ZNF717: variants seen among roughly 807,000 people sequenced by gnomAD.
ZNF717 encodes zinc finger protein 717, also known as krueppel-like factor X17.
A neutral mutation model predicts 13.8 loss-of-function variants in ZNF717; 9 were observed. That is an observed-to-expected ratio of 0.65 (90% CI 0.39 to 1.14). The LOEUF (loss-of-function observed/expected upper bound fraction) is 1.14. Among genes scored for constraint, ZNF717 ranks in the 50% most tolerant of loss-of-function variants. The probability of loss-of-function intolerance (pLI) is 0.01; values close to 1 mark genes in which losing one functional copy is unlikely to be tolerated. For missense variants in ZNF717, 1,040 were observed against 1,080.7 expected (o/e 0.96, Z 0.53); for synonymous variants, 327 against 364.1 (o/e 0.90, Z 1.16).
Position 75,776,649 on chromosome 3 carries a change from T to C in ZNF717, c.57+6657A>G, listed in dbSNP as rs183474267. 6.0e-5 allele frequency among the ~76,000 whole-genome samples: 9 copies of C among 151,248 alleles called. No homozygotes were observed. In the East Asian group the frequency reaches 1.5e-3, roughly 26 times the overall value. The stretch of plus-strand genomic sequence containing the variant: ...TTTAAAACCATAAACTTTGGGTTCA[T>C]AGTCTCACAATTCAGAAGGGTCCCT... On this transcript the variant is annotated intron_variant, in intron 2 of 4. Coordinates refer to ENST00000652011, the MANE Select transcript of ZNF717 (RefSeq NM_001290208.3).
intron 2 of ZNF717, among the ~76,000 whole-genome samples, chr3:75,760,821 A>G (rs1942940828): frequency 6.6e-6 from 1 of 152,134 alleles, no homozygotes; most frequent in Non-Finnish European, 1.5e-5. Context: ...GATAAGCAGA[A>G]TAAGACCAGA....
In ZNF717 at chr3:75,738,565, A is replaced by T; in HGVS notation, c.1058T>A (p.Phe353Tyr). 6.5e-7 allele frequency: 1 copy of T among 1,541,432 alleles called. No individual in the cohort carries two copies. The highest frequency in any genetic ancestry group is 1.2e-5 in the South Asian group (1 of 83,478). ...GTGAGTTCTCTCATGTAAAGTGAGG[A>T]ATGACTTACGGCGAAAGGTTTTACC... The part of the protein sequence containing the change: ...ECGKTFRRKS[F>Y]LTLHERTHTG... The change falls in exon 5 of 5, where the codon TTC becomes TAC. Residue 353 changes from phenylalanine (F) to tyrosine (Y), a missense_variant. Coordinates refer to ENST00000652011, the MANE Select transcript of ZNF717 (RefSeq NM_001290208.3).
intron 2 of ZNF717, among the ~76,000 whole-genome samples, chr3:75,772,443 G>C (rs1461650369): frequency 6.6e-6 from 1 of 152,198 alleles, no homozygotes; most frequent in Non-Finnish European, 1.5e-5. Context: ...AGACTTAGGA[G>C]CTCCCCAAGC....
chr3:75,705,200 T>C (rs1937780110), downstream of ZNF717, among the ~76,000 whole-genome samples: 1 of 152,302 alleles, frequency 6.6e-6, no homozygotes, highest in African/African-American at 2.4e-5. Flanking sequence ...GTCACAGCAG[T>C]GTGAAAATGG....
chr3:75,742,976 A>G (rs1290894832), intron 2 of ZNF717, among the ~76,000 whole-genome samples: 4 of 152,252 alleles, frequency 2.6e-5, no homozygotes, highest in Non-Finnish European at 5.9e-5. Context: ...TAAGATGATG[A>G]TGAAACATAC....
rs1939379647 is a variant in ZNF717 at position 75,737,141 on chromosome 3, T to C, written c.2482A>G (p.Lys828Glu). Residue 828 changes from lysine (K) to glutamate (E), a missense_variant, in exon 5 of 5, where the codon AAA (lysine) becomes GAA (glutamate). Physicochemically the swap from Lys to Glu is moderately conservative, Grantham distance 56. This residue lies in a region of ZNF717 where 873 missense variants were observed against 832.8 expected (regional missense o/e 1.05). Coordinates refer to ENST00000652011, the MANE Select transcript of ZNF717 (RefSeq NM_001290208.3). ...TGAGTTCTGTGATGTACAAAGAGTTTTGACTTCTGGGAGAAGGTTTTCCTA... is the reference window on the plus strand; with the variant it reads ...TGAGTTCTGTGATGTACAAAGAGTTCTGACTTCTGGGAGAAGGTTTTCCTA... ...ECRKTFSQKS[K>E]LFVHHRTHTG... 6.4e-7 allele frequency: 1 copy of C among 1,563,946 alleles called. No homozygotes were observed. The highest frequency in any genetic ancestry group is 8.7e-7 in the Non-Finnish European group (1 of 1,154,426).
chr3:75,740,229 C>T (rs76854692), intron 4 of ZNF717, among the ~76,000 whole-genome samples: 8,162 of 85,300 alleles, frequency 0.096, no homozygotes, highest in Middle Eastern at 0.17. Flanking sequence ...ATGAAGTTTC[C>T]TGTACATTTC....
intron 4 of ZNF717, among the ~76,000 whole-genome samples, chr3:75,717,271 G>C (rs75411532): frequency 6.6e-6 from 1 of 152,220 alleles, no homozygotes; most frequent in Non-Finnish European, 1.5e-5. Flanking sequence ...ACAAATGATA[G>C]GTATGTCCAA....
In ZNF717 at chr3:75,785,453, CGGCCCCCCGG is replaced by C. The variant is rs1470147265; in HGVS notation, c.-82_-73del. On this transcript the variant is annotated 5_prime_UTR_variant, in exon 1 of 5. It introduces an in-frame stop codon into an upstream open reading frame of the 5' UTR. Coordinates refer to ENST00000652011, the MANE Select transcript of ZNF717 (RefSeq NM_001290208.3). ...CTCCCACAACTGGGGAACACTGGTC[CGGCCCCCCGG>C]GATCCCCCGGGCCCACGGGTTCCTC... 6.6e-6 allele frequency: 1 copy of C among 152,490 alleles called. No homozygotes were observed. Among genetic ancestry groups the C allele is most frequent in the Non-Finnish European group, 1.5e-5 (1 of 68,384 alleles). The allele number at this position is 152,490 out of a possible 1,614,324, so 9.4% of individuals were successfully genotyped here. A position where few individuals can be genotyped will look rare whatever the true frequency, so the allele number is the denominator to read the frequency against.
chr3:75,703,727 T>G (rs1575712239), intron 6 of ZNF717, among the ~76,000 whole-genome samples: 1 of 152,294 alleles, frequency 6.6e-6, no homozygotes, highest in African/African-American at 2.4e-5. Context: ...TCAAACAAAA[T>G]GCACAAAGTT....
chr3:75,739,213 T>C lies in ZNF717; in HGVS notation c.410A>G (p.Asn137Ser), dbSNP rs1940008486. The part of the protein sequence containing the change: ...RVELGKTFNL[N>S]SNHVLNLIIN... ...AATCAGATTTAAAACATGGTTTGAG[T>C]TCAAATTAAATGTTTTTCCTAATTC... The change falls in exon 5 of 5, where the codon AAC becomes AGC. Residue 137 changes from asparagine to serine, a missense_variant. Asn to Ser is a conservative substitution (Grantham distance 46). This residue lies in a region of ZNF717 where 123 missense variants were observed against 177.8 expected (regional missense o/e 0.69). Coordinates refer to ENST00000652011, the MANE Select transcript of ZNF717 (RefSeq NM_001290208.3). 10 of 1,550,954 alleles carry C rather than the reference T, an allele frequency of 6.4e-6. No homozygotes were observed. Among genetic ancestry groups the C allele is most frequent in the Non-Finnish European group, 7.8e-6 (9 of 1,146,630 alleles).
downstream of ZNF717, among the ~76,000 whole-genome samples, chr3:75,731,141 T>G (rs1338632256): frequency 7.5e-6 from 1 of 133,646 alleles, no homozygotes; most frequent in Non-Finnish European, 1.7e-5. Context: ...CTTCGGGAGC[T>G]TGAGGTGGGT....
downstream of ZNF717, among the ~76,000 whole-genome samples, chr3:75,706,098 A>G (rs1293779733): frequency 2.9e-4 from 44 of 151,754 alleles, no homozygotes; most frequent in South Asian, 1.0e-3. Context: ...TGGGATATAG[A>G]GAGAAAAAAT....
chr3:75,749,280 C>A (rs111433231), intron 2 of ZNF717, among the ~76,000 whole-genome samples: 43 of 152,056 alleles, frequency 2.8e-4, no homozygotes, highest in African/African-American at 9.4e-4. Context: ...GATTACAGAA[C>A]ACTGCTAGTG....
chr3:75,755,595 C>CA (rs1355712337), intron 2 of ZNF717, among the ~76,000 whole-genome samples: 1 of 146,072 alleles, frequency 6.8e-6, no homozygotes, highest in Admixed American at 6.9e-5. Context: ...AGGGAGGAAT[C>CA]AGGTGTTTTC....
intron 3 of ZNF717, 49 bp from the exon 4 acceptor site, chr3:75,741,417 C>T: frequency 2.1e-6 from 3 of 1,442,556 alleles, no homozygotes; most frequent in Non-Finnish European, 2.9e-6. Context: ...TAAGTCAAAT[C>T]CTTTTCAGAA....
chr3:75,725,402 C>T (rs1177025655), downstream of ZNF717, among the ~76,000 whole-genome samples: 2 of 152,242 alleles, frequency 1.3e-5, no homozygotes, highest in African/African-American at 4.8e-5. Flanking sequence ...CACATCAACC[C>T]TGAACAGAAG....
intron 4 of ZNF717, among the ~76,000 whole-genome samples, chr3:75,717,994 A>T (rs1938092031): frequency 6.6e-6 from 1 of 152,224 alleles, no homozygotes; most frequent in African/African-American, 2.4e-5. Flanking sequence ...GACTGGAAGC[A>T]TTGGTCAAGG....
chr3:75,776,373 C>T (rs1575975250), intron 2 of ZNF717, among the ~76,000 whole-genome samples: 1 of 152,264 alleles, frequency 6.6e-6, no homozygotes, highest in Admixed American at 6.5e-5. Context: ...GCCATTTAAA[C>T]ATTTTATAAA....
Sources: gnomAD v4.1 joint callset for allele counts (sites outside exome capture counted in the v4.1 genomes callset) on GRCh38, gnomAD v4.1.1 for gene constraint, gnomAD v4.1.1 regional missense constraint, MANE v1.5 for transcripts, NCBI Gene and HGNC (gene_info 2026-07-23, HGNC 2026-07-21) for gene names.